Variants in ATP8A1 observed in about 807,000 individuals in gnomAD.
ATP8A1 encodes ATPase phospholipid transporting 8A1, also known as phospholipid-transporting ATPase IA.
In ATP8A1, 90 loss-of-function variants were observed where a neutral mutation model predicts 177.7. That is an observed-to-expected ratio of 0.51 (90% CI 0.43 to 0.60). ATP8A1 has a LOEUF of 0.60. ATP8A1 is among the 20% of genes least tolerant of loss of function. The probability of loss-of-function intolerance (pLI) is 0.00; values close to 1 mark genes in which losing one functional copy is unlikely to be tolerated. For synonymous variants in ATP8A1, 493 were observed against 485.9 expected, an observed-to-expected ratio of 1.01 and a Z score of -0.19; for missense variants, 1,072 against 1,392.8, an observed-to-expected ratio of 0.77 and a Z score of 3.67.
At chr4:42,581,917 T>A (rs1246771459) in intron 9 of ATP8A1, among the ~76,000 whole-genome samples, 185 bp from the exon 10 acceptor site, 1 of 152,180 alleles carries the variant, frequency 6.6e-6, no homozygotes, top group Non-Finnish European at 1.5e-5. Context: ...TTACATTGCT[T>A]TTCCTTAACA....
At chr4:42,461,089 G>A (rs1190416470) in intron 27 of ATP8A1, among the ~76,000 whole-genome samples, 1 of 152,148 alleles carries the variant, frequency 6.6e-6, no homozygotes, top group Non-Finnish European at 1.5e-5. Context: ...TCCAAATTGA[G>A]ACGTGGTATA....
intron 9 of ATP8A1, among the ~76,000 whole-genome samples, chr4:42,584,731 T>C (rs1385342359): frequency 2.0e-5 from 3 of 152,236 alleles, no homozygotes; most frequent in Non-Finnish European, 1.5e-5. Flanking sequence ...TGGCTTTAAA[T>C]ATCTATGCCA....
Position 42,444,578 on chromosome 4 carries a change from C to T in ATP8A1, c.3015G>A (p.Trp1005Ter). 6.2e-7 allele frequency: 1 copy of T among 1,612,462 alleles called. No homozygotes were observed. Among genetic ancestry groups the T allele is most frequent in the Non-Finnish European group, 8.5e-7 (1 of 1,179,112 alleles). Residue 1005 changes from tryptophan to a stop codon, truncating the protein, a stop_gained and splice_region_variant, in exon 32 of 37, where the codon TGG (tryptophan) becomes TGA (stop). Coordinates refer to ENST00000381668, the MANE Select transcript of ATP8A1 (RefSeq NM_006095.2). LOFTEE classifies it high-confidence loss of function. The part of the protein sequence containing the change: ...KAGLETSYWT[W>*]FSHIAIWGSI... ...TGGTTGTGGTTAGATATTTTCTTAC[C>T]CATGTCCAATATGATGTCTCCAATC...
intron 24 of ATP8A1, among the ~76,000 whole-genome samples, chr4:42,490,546 A>G (rs1722644835): frequency 1.3e-5 from 2 of 152,202 alleles, no homozygotes; most frequent in East Asian, 3.9e-4. Flanking sequence ...CATTTATAGC[A>G]GAAAGAATTC....
chr4:42,423,465 T>C (rs1714225106), intron 34 of ATP8A1, 152 bp downstream of exon 34: 1 of 453,416 alleles, frequency 2.2e-6, no homozygotes, highest in Non-Finnish European at 3.9e-6. Flanking sequence ...AGTTTTCTAG[T>C]TCCTGAATCA....
intron 33 of ATP8A1, among the ~76,000 whole-genome samples, chr4:42,439,834 G>T (rs756757547): frequency 2.0e-5 from 3 of 152,184 alleles, no homozygotes; most frequent in Non-Finnish European, 4.4e-5. Context: ...CAAATACCAT[G>T]CATTCCTCTT....
At chr4:42,555,231 A>C (rs1730082151) in intron 16 of ATP8A1, among the ~76,000 whole-genome samples, 1 of 150,328 alleles carries the variant, frequency 6.7e-6, no homozygotes, top group Admixed American at 6.6e-5. Context: ...GAGAACCCTA[A>C]TACAGTCAGT....
intron 1 of ATP8A1, among the ~76,000 whole-genome samples, chr4:42,635,810 T>TATATATATAC (rs1305090729): frequency 6.3e-4 from 65 of 103,864 alleles, no homozygotes; most frequent in African/African-American, 2.8e-3. Context: ...TATATATATA[T>TATATATATAC]ACACATGTAT....
chr4:42,458,931 G>C (rs767335055), intron 27 of ATP8A1, among the ~76,000 whole-genome samples: 7 of 152,176 alleles, frequency 4.6e-5, no homozygotes, highest in African/African-American at 7.2e-5. Flanking sequence ...GGAGAGATTC[G>C]AGACTGGCAG....
rs778152069 is a variant in ATP8A1 at position 42,543,972 on chromosome 4, A to G, written c.1667T>C (p.Met556Thr). 6.2e-7 allele frequency: 1 copy of G among 1,613,392 alleles called. No homozygotes were observed. Among genetic ancestry groups the G allele is most frequent in the Non-Finnish European group, 8.5e-7 (1 of 1,179,650 alleles). The change falls in exon 20 of 37, where the codon ATG becomes ACG. Residue 556 changes from methionine to threonine, a missense_variant. This residue lies in a region of ATP8A1 where 388 missense variants were observed against 471.7 expected (regional missense o/e 0.82). Coordinates refer to ENST00000381668, the MANE Select transcript of ATP8A1 (RefSeq NM_006095.2). ...AGATGGAGTGCGAACAATCACTGAC[A>G]TTCTTTTCCTAGCACTGAAAGAAAG... The part of the protein sequence containing the change: ...VLEFTSARKR[M>T]SVIVRTPSGK...
At chr4:42,509,489 C>CGA (rs1371766217) in intron 22 of ATP8A1, among the ~76,000 whole-genome samples, 1 of 152,194 alleles carries the variant, frequency 6.6e-6, no homozygotes, top group East Asian at 1.9e-4. Context: ...GTATGTATGT[C>CGA]TAAGTAGATA....
chr4:42,604,219 C>T (rs920239056), intron 5 of ATP8A1, among the ~76,000 whole-genome samples: 1 of 152,182 alleles, frequency 6.6e-6, no homozygotes, highest in Admixed American at 6.5e-5. Context: ...TGTGTTGACA[C>T]CCAGTCCTTC....
intron 22 of ATP8A1, among the ~76,000 whole-genome samples, chr4:42,507,726 T>C (rs2153194378): frequency 9.7e-5 from 1 of 10,328 alleles, no homozygotes; most frequent in Non-Finnish European, 1.8e-4. Context: ...CGAGACTCCA[T>C]CTCAAAAAAA....
At chr4:42,446,105 G>C (rs1395967508) in intron 31 of ATP8A1, among the ~76,000 whole-genome samples, 1 of 95,172 alleles carries the variant, frequency 1.1e-5, no homozygotes, top group East Asian at 5.2e-4. Flanking sequence ...AAAAAGAGAA[G>C]AGATATAGTT....
chr4:42,444,434 C>G, intron 32 of ATP8A1, 144 bp downstream of exon 32: 1 of 720,394 alleles, frequency 1.4e-6, no homozygotes, highest in Admixed American at 2.9e-5. Flanking sequence ...CTTCCCCTAC[C>G]CCTGACACCC....
At chr4:42,534,696 C>T (rs1370488103) in intron 20 of ATP8A1, among the ~76,000 whole-genome samples, 2 of 152,088 alleles carry the variant, frequency 1.3e-5, no homozygotes, top group Admixed American at 6.6e-5. Flanking sequence ...ATCATCACCT[C>T]GGCACATAGT....
At chr4:42,442,368 T>G (rs1363552517) in intron 33 of ATP8A1, among the ~76,000 whole-genome samples, 5 of 152,188 alleles carry the variant, frequency 3.3e-5, no homozygotes, top group Non-Finnish European at 7.4e-5. Context: ...TACATACACA[T>G]GCACATACTT....
intron 24 of ATP8A1, among the ~76,000 whole-genome samples, chr4:42,495,276 A>T (rs774985785): frequency 3.3e-5 from 5 of 152,238 alleles, no homozygotes; most frequent in Non-Finnish European, 7.3e-5. Flanking sequence ...AAGTATGGAC[A>T]ATGTTAGCAC....
At chr4:42,553,158 T>C (rs1729680657) in intron 16 of ATP8A1, among the ~76,000 whole-genome samples, 1 of 152,244 alleles carries the variant, frequency 6.6e-6, no homozygotes, top group Admixed American at 6.5e-5. Flanking sequence ...TAAACATTTA[T>C]ACAAGACAAC....
Sources: allele counts gnomAD v4.1 joint callset (sites outside exome capture counted in the v4.1 genomes callset), GRCh38; gene constraint gnomAD v4.1.1; regional missense constraint gnomAD v4.1.1; transcripts MANE v1.5; gene names NCBI Gene and HGNC (gene_info 2026-07-23, HGNC 2026-07-21).